MIA2: variants seen among roughly 807,000 people sequenced by gnomAD.
The protein encoded by MIA2 is melanoma inhibitory activity protein 2.
A neutral mutation model predicts 167.8 loss-of-function variants in MIA2; 127 were observed. The ratio of observed to expected loss-of-function variants is 0.76; its 90% CI spans 0.66 to 0.88. MIA2 has a LOEUF of 0.88. MIA2 is among the 40% of genes least tolerant of loss of function. MIA2 has a pLI of 0.00. For synonymous variants in MIA2, 552 were observed against 541.9 expected (o/e 1.02, Z -0.26); for missense variants, 1,690 against 1,624.7 (o/e 1.04, Z -0.69).
intron 2 of MIA2, chr14:39,237,265 CTA>C (rs1267389530): frequency 1.7e-6 from 1 of 585,222 alleles, no homozygotes; most frequent in South Asian, 1.8e-5. Flanking sequence ...GTAGCTGGGA[CTA>C]CAGGTGTGTG....
chr14:39,298,549 T>TTTG (rs1482911865), intron 13 of MIA2, among the ~76,000 whole-genome samples: 1 of 141,984 alleles, frequency 7.0e-6, no homozygotes, highest in African/African-American at 2.5e-5. Flanking sequence ...TTTTTTTTTT[T>TTTG]TTTTTGTGAG....
chr14:39,236,472 T>C (rs2053752723), intron 1 of MIA2, among the ~76,000 whole-genome samples: 1 of 152,168 alleles, frequency 6.6e-6, no homozygotes, highest in African/African-American at 2.4e-5. Context: ...TAGACTGAGA[T>C]GAAATTATTT....
rs1280374905 is a variant in MIA2, at chr14:39,320,731, T to C, written c.3368-197T>C. On this transcript the variant is annotated intron_variant, in intron 23 of 28. Transcript: ENST00000640607. ...TTTATTGCTTAAAGTGTCTATTTGA[T>C]AGACAAATATCGAAAACACCAGGGT... Among the ~76,000 whole-genome samples the C allele has an allele frequency of 3.3e-5, 5 of 152,214 alleles. No individual in the cohort carries two copies. In the East Asian group the frequency reaches 9.6e-4, roughly 29 times the overall value.
At chr14:39,279,652 A>T in intron 9 of MIA2, 115 bp downstream of exon 9, 1 of 681,770 alleles carries the variant, frequency 1.5e-6, no homozygotes, top group Non-Finnish European at 2.4e-6. Context: ...AGAGTATGAG[A>T]GTTCTCTTTG....
At chr14:39,370,107 G>A (rs2074905200) in intron 23 of MIA2, among the ~76,000 whole-genome samples, 1 of 152,236 alleles carries the variant, frequency 6.6e-6, no homozygotes, top group Non-Finnish European at 1.5e-5. Flanking sequence ...CTGCAGTGAA[G>A]TGGTTGCAGT....
chr14:39,328,418 C>T (rs933739106), intron 25 of MIA2, among the ~76,000 whole-genome samples: 2 of 152,146 alleles, frequency 1.3e-5, no homozygotes, highest in African/African-American at 4.8e-5. Flanking sequence ...TGTAGGTTGC[C>T]TGTTCACTCT....
At position 39,247,805 on chromosome 14, in the gene MIA2, C is replaced by T. The variant is rs142845107; in HGVS notation, c.1231C>T (p.His411Tyr). ...TGAAGAAGATGGTGGGGCAGATGAA[C>T]ATGAACATCCTCTAACAAGTGAATT... ...KNEEDGGADE[H>Y]EHPLTSELDP... The change falls in exon 4 of 29, where the codon CAT becomes TAT. Residue 411 changes from histidine to tyrosine, a missense_variant. By Grantham distance (83) the His-to-Tyr change is moderately conservative (BLOSUM62 2). Transcript: ENST00000640607. 83 of 1,610,930 alleles carry T rather than the reference C, an allele frequency of 5.2e-5. 2 individuals are homozygous for T. In the African/African-American group the frequency reaches 1.0e-3, roughly 19 times the overall value.
At chr14:39,362,305 C>G (rs565731272) in intron 23 of MIA2, among the ~76,000 whole-genome samples, 88 of 152,220 alleles carry the variant, frequency 5.8e-4, no homozygotes, top group African/African-American at 1.8e-3. Flanking sequence ...GGCAGTAAAG[C>G]TGTCTCAGTC....
At chr14:39,281,452 A>C (rs1008907461) in intron 9 of MIA2, among the ~76,000 whole-genome samples, 1 of 152,042 alleles carries the variant, frequency 6.6e-6, no homozygotes, top group Admixed American at 6.6e-5. Context: ...ACTTATGCCT[A>C]TAATCATCTT....
At chr14:39,237,223 G>A in intron 2 of MIA2, 168 bp downstream of exon 2, 1 of 750,912 alleles carries the variant, frequency 1.3e-6, no homozygotes, top group East Asian at 2.9e-5. Context: ...CAACTCCTGA[G>A]CTCAAGCCAT....
chr14:39,312,409 A>G (rs192049846), intron 18 of MIA2, among the ~76,000 whole-genome samples: 281 of 152,358 alleles, frequency 1.8e-3, no homozygotes, highest in South Asian at 2.9e-3. Flanking sequence ...TTTCTAAGCA[A>G]TAGGTAATGT....
At chr14:39,385,438 A>T in intron 23 of MIA2, 1 of 1,308,186 alleles carries the variant, frequency 7.6e-7, no homozygotes, top group Non-Finnish European at 1.1e-6. Context: ...TGGAGATTCA[A>T]TCATCAGTCT....
rs1246027526 is a variant in MIA2 at position 39,312,331 on chromosome 14, G to A, written c.3018-1009G>A. 2.6e-5 allele frequency among the ~76,000 whole-genome samples: 4 copies of A among 152,200 alleles called. 1 individual carries two copies. The South Asian group carries it at 6.2e-4, about 24-fold the overall frequency. ...CCATATCCATGCCCGTCGCACTTTCGTGCTTTTCCTAAGGAGATGACTTAT... is the reference window on the plus strand; with the variant it reads ...CCATATCCATGCCCGTCGCACTTTCATGCTTTTCCTAAGGAGATGACTTAT... On this transcript the variant is annotated intron_variant, in intron 18 of 28. Transcript: ENST00000640607.
intron 23 of MIA2, among the ~76,000 whole-genome samples, chr14:39,382,688 G>A (rs1280695044): frequency 6.6e-6 from 1 of 152,176 alleles, no homozygotes; most frequent in African/African-American, 2.4e-5. Context: ...ACCTTTATCT[G>A]TAGCTACTGC....
At chr14:39,356,345 G>A (rs2074524954), downstream of MIA2, among the ~76,000 whole-genome samples, 1 of 152,162 alleles carries the variant, frequency 6.6e-6, no homozygotes. Context: ...TTGCATAGAG[G>A]TGTTTATAGT....
chr14:39,236,311 G>A (rs181068529), intron 1 of MIA2, among the ~76,000 whole-genome samples: 2 of 152,236 alleles, frequency 1.3e-5, no homozygotes, highest in East Asian at 1.9e-4. Flanking sequence ...AAGCATGAAG[G>A]GGGCAAAATG....
Position 39,247,391 on chromosome 14 carries a change from C to G in MIA2, c.817C>G (p.Gln273Glu). The G allele has an allele frequency of 3.1e-6, 5 of 1,614,026 alleles. No homozygotes were observed. The highest frequency in any genetic ancestry group is 4.2e-6 in the Non-Finnish European group (5 of 1,180,008). Residue 273 changes from glutamine to glutamate, a missense_variant, in exon 4 of 29, where the codon CAA becomes GAA. Gln to Glu is a conservative substitution (Grantham distance 29). Transcript: ENST00000640607. ...DLEELNNGEP[Q>E]TEHQQESESE... ...AGAGGAATTAAATAATGGTGAGCCT[C>G]AAACAGAACATCAGCAAGAATCTGA...
chr14:39,384,396 A>C (rs765662807), intron 23 of MIA2, among the ~76,000 whole-genome samples: 45 of 152,284 alleles, frequency 3.0e-4, no homozygotes, highest in Non-Finnish European at 4.6e-4. Flanking sequence ...GTTATTAAGG[A>C]GCTCTGATGG....
chr14:39,359,967 T>C (rs1280044246), intron 23 of MIA2, among the ~76,000 whole-genome samples: 1 of 151,070 alleles, frequency 6.6e-6, no homozygotes, highest in Non-Finnish European at 1.5e-5. Context: ...TAAAAGTTCC[T>C]GTTTCTCCGG....
Sources: allele counts gnomAD v4.1 joint callset (sites outside exome capture counted in the v4.1 genomes callset), GRCh38; gene constraint gnomAD v4.1.1; transcripts MANE v1.5; gene names NCBI Gene and HGNC (gene_info 2026-07-23, HGNC 2026-07-21).